The following PRKG1 variants were observed in gnomAD, a reference collection of about 807,000 sequenced individuals.
The protein encoded by PRKG1 is protein kinase cGMP-dependent 1.
A neutral mutation model predicts 88.1 loss-of-function variants in PRKG1; 35 were observed. The ratio of observed to expected loss-of-function variants is 0.40; its 90% CI spans 0.30 to 0.53. The LOEUF is 0.53. Among genes scored for constraint, PRKG1 ranks in the 20% least tolerant of loss-of-function variants. The pLI is 0.59. For missense variants in PRKG1, 540 were observed against 839.8 expected, an observed-to-expected ratio of 0.64 and a Z score of 4.41; for synonymous variants, 303 against 292.5, an observed-to-expected ratio of 1.04 and a Z score of -0.37.
chr10:51,953,702 A>T (rs10466028), intron 5 of PRKG1, among the ~76,000 whole-genome samples: 3 of 151,890 alleles, frequency 2.0e-5, no homozygotes, highest in African/African-American at 7.3e-5. Context: ...TGGAAACACC[A>T]TATTGTGTGT....
intron 2 of PRKG1, among the ~76,000 whole-genome samples, chr10:51,347,617 G>T (rs115597193): frequency 0.012 from 1,822 of 152,134 alleles, 31 homozygotes; most frequent in African/African-American, 0.04. Context: ...ATAGTCAGAT[G>T]AACTTGTTTA....
intron 5 of PRKG1, among the ~76,000 whole-genome samples, chr10:52,000,542 G>A (rs2447644): frequency 0.4 from 60,166 of 151,764 alleles, 12,109 homozygotes; most frequent in Admixed American, 0.43. Flanking sequence ...ATTGTGGTGC[G>A]TAGTTTGAGT....
At chr10:51,323,058 T>TG (rs1185849298) in intron 2 of PRKG1, among the ~76,000 whole-genome samples, 2 of 152,172 alleles carry the variant, frequency 1.3e-5, no homozygotes, top group Non-Finnish European at 2.9e-5. Context: ...CATTTACATA[T>TG]GGAAAAATAG....
At chr10:51,288,804 A>G (rs1840509298) in intron 2 of PRKG1, among the ~76,000 whole-genome samples, 1 of 152,210 alleles carries the variant, frequency 6.6e-6, no homozygotes. Context: ...ATGTGTAGTT[A>G]TTCTGTACAT....
intron 1 of PRKG1, among the ~76,000 whole-genome samples, chr10:51,114,520 C>A (rs973137909): frequency 3.3e-5 from 5 of 151,740 alleles, no homozygotes; most frequent in African/African-American, 1.2e-4. Context: ...GGAAGGGGAA[C>A]AAGAGAAATA....
chr10:52,039,109 A>C (rs957641783), intron 5 of PRKG1, among the ~76,000 whole-genome samples: 20 of 152,140 alleles, frequency 1.3e-4, no homozygotes, highest in African/African-American at 4.6e-4. Context: ...CACGGCACCA[A>C]ATTTCATGCA....
intron 2 of PRKG1, among the ~76,000 whole-genome samples, chr10:51,419,416 A>G (rs1259768995): frequency 6.6e-6 from 1 of 152,168 alleles, no homozygotes; most frequent in Non-Finnish European, 1.5e-5. Flanking sequence ...AAAGAAGAAC[A>G]TGACGTTTTT....
At position 52,117,164 on chromosome 10, in the gene PRKG1, CTGTGTGTG is replaced by C. The variant is rs71459438; in HGVS notation, c.936-16646_936-16639del. Among the ~76,000 whole-genome samples the C allele has an allele frequency of 6.7e-3, 938 of 139,252 alleles. 7 individuals are homozygous for C. Among genetic ancestry groups the C allele is most frequent in the Middle Eastern group, 0.015 (4 of 274 alleles). 91.4% of individuals were successfully genotyped at this position (139,252 alleles called of 152,430 possible). A position where few individuals can be genotyped will look rare whatever the true frequency, so the allele number is the denominator to read the frequency against. ...ATGCATGGATATCTATGTGAAATAT[CTGTGTGTG>C]TGTGTGTGTGTGTGTGTGTGTGTGT... is the stretch of plus-strand genomic sequence containing the variant. On this transcript the variant is annotated intron_variant, in intron 7 of 17. Coordinates refer to ENST00000373980, the MANE Select transcript of PRKG1 (RefSeq NM_006258.4).
chr10:51,337,972 C>T (rs1253396324), intron 2 of PRKG1, among the ~76,000 whole-genome samples: 1 of 152,132 alleles, frequency 6.6e-6, no homozygotes, highest in Non-Finnish European at 1.5e-5. Flanking sequence ...CAGAACTATT[C>T]ACAATAGCAA....
At chr10:51,774,926 G>T (rs1402933040) in intron 3 of PRKG1, among the ~76,000 whole-genome samples, 1 of 151,980 alleles carries the variant, frequency 6.6e-6, no homozygotes, top group Non-Finnish European at 1.5e-5. Context: ...GTTGATTTTA[G>T]GAATATTGTT....
At chr10:51,798,522 T>C (rs926462322) in intron 3 of PRKG1, among the ~76,000 whole-genome samples, 1 of 152,034 alleles carries the variant, frequency 6.6e-6, no homozygotes, top group Admixed American at 6.6e-5. Context: ...TACTTCATAA[T>C]ATTTGTGAAG....
chr10:51,089,025 C>T lies in PRKG1; in HGVS notation c.311+14124C>T, dbSNP rs1055339170. On this transcript the variant is annotated intron_variant, in intron 1 of 17. Coordinates refer to ENST00000373980, the MANE Select transcript of PRKG1 (RefSeq NM_006258.4). ...CAAATGGTCATGATAATCCCTATCA[C>T]TCCATACTCTCTTCAACTAGCCCAT... Among the ~76,000 whole-genome samples, 10 of 152,148 alleles carry T rather than the reference C, an allele frequency of 6.6e-5. No individual in the cohort carries two copies. In the East Asian group the frequency reaches 1.9e-3, roughly 29 times the overall value.
At chr10:51,271,754 T>G (rs2132178280) in intron 2 of PRKG1, among the ~76,000 whole-genome samples, 1 of 152,360 alleles carries the variant, frequency 6.6e-6, no homozygotes, top group South Asian at 2.1e-4. Flanking sequence ...GAACTCACCC[T>G]TTTTATGGCT....
chr10:51,690,800 C>T (rs1422608773), intron 3 of PRKG1, among the ~76,000 whole-genome samples: 2 of 151,498 alleles, frequency 1.3e-5, no homozygotes, highest in Non-Finnish European at 2.9e-5. Context: ...GTGGCGAGCA[C>T]CTGTACTCCC....
chr10:51,702,778 C>A (rs1841501293), intron 3 of PRKG1, among the ~76,000 whole-genome samples: 2 of 152,022 alleles, frequency 1.3e-5, no homozygotes, highest in Admixed American at 6.6e-5. Flanking sequence ...TTCACTGCAA[C>A]CTCTGCCTCC....
intron 12 of PRKG1, among the ~76,000 whole-genome samples, chr10:52,279,496 A>G (rs181717177): frequency 5.3e-4 from 80 of 152,304 alleles, no homozygotes; most frequent in African/African-American, 1.9e-3. Context: ...AACTCAAGTG[A>G]TATTAGTAGC....
chr10:52,126,893 C>T (rs147956937), intron 7 of PRKG1, among the ~76,000 whole-genome samples: 66 of 152,230 alleles, frequency 4.3e-4, no homozygotes, highest in African/African-American at 1.5e-3. Flanking sequence ...GGACCTCTAA[C>T]TATACATGAA....
chr10:51,628,513 G>A (rs1295729017), intron 3 of PRKG1, among the ~76,000 whole-genome samples: 1 of 151,920 alleles, frequency 6.6e-6, no homozygotes, highest in East Asian at 1.9e-4. Flanking sequence ...CTCAACATTG[G>A]GGTGATAAAA....
intron 7 of PRKG1, among the ~76,000 whole-genome samples, chr10:52,097,661 CT>C (rs1847203059): frequency 6.6e-6 from 1 of 151,816 alleles, no homozygotes. Context: ...CATAAGAGGG[CT>C]TTGTGTTCTT....
Sources: gnomAD v4.1 joint callset for allele counts (sites outside exome capture counted in the v4.1 genomes callset) on GRCh38, gnomAD v4.1.1 for gene constraint, MANE v1.5 for transcripts, NCBI Gene and HGNC (gene_info 2026-07-23, HGNC 2026-07-21) for gene names.